The following DNAH6 variants were observed in gnomAD, a reference collection of about 807,000 sequenced individuals.
DNAH6 encodes the protein axonemal beta dynein heavy chain 6.
Under a neutral mutation model 491.4 loss-of-function variants are expected in DNAH6, and 340 were observed. The observed-to-expected ratio is 0.69, with a 90% confidence interval of 0.63 to 0.76. DNAH6 has a LOEUF of 0.76. DNAH6 is among the 30% of genes least tolerant of loss of function. The pLI is 0.00. For synonymous variants in DNAH6, 1,603 were observed against 1,686.1 expected (o/e 0.95, Z 1.21); for missense variants, 4,443 against 4,972.2 (o/e 0.89, Z 3.20).
Position 84,745,076 on chromosome 2 carries a change from C to A in DNAH6, c.10343-4C>A. 6.8e-7 allele frequency: 1 copy of A among 1,471,702 alleles called. No homozygotes were observed. Among genetic ancestry groups the A allele is most frequent in the South Asian group, 1.3e-5 (1 of 74,146 alleles). 91.2% of individuals were successfully genotyped at this position (1,471,702 alleles called of 1,614,324 possible). On this transcript the variant is annotated splice_region_variant and splice_polypyrimidine_tract_variant and intron_variant, in intron 62 of 76. Transcript: ENST00000389394. The stretch of plus-strand genomic sequence containing the variant: ...AAATTATCTTTTTTAAATTGTATTT[C>A]CAGGATCTTTTGAGACTTATATTAA...
chr2:84,707,428 T>C, intron 53 of DNAH6, 92 bp from the exon 54 acceptor site: 1 of 1,172,704 alleles, frequency 8.5e-7, no homozygotes, highest in East Asian at 2.6e-5. Flanking sequence ...TAAATAATGC[T>C]ATTCTGCTAT....
chr2:84,685,044 A>G (rs1694139473), intron 42 of DNAH6, among the ~76,000 whole-genome samples: 1 of 152,228 alleles, frequency 6.6e-6, no homozygotes, highest in Non-Finnish European at 1.5e-5. Context: ...TCATGTAATA[A>G]TGAGATAAAC....
intron 29 of DNAH6, among the ~76,000 whole-genome samples, chr2:84,633,016 C>T (rs1167635188): frequency 6.6e-6 from 1 of 152,104 alleles, no homozygotes; most frequent in Non-Finnish European, 1.5e-5. Context: ...CCAAATGCCC[C>T]TTCCTTGAAT....
chr2:84,773,577 A>G (rs1453695582), intron 64 of DNAH6, among the ~76,000 whole-genome samples: 1 of 152,082 alleles, frequency 6.6e-6, no homozygotes, highest in Non-Finnish European at 1.5e-5. Context: ...TTTTGGATAT[A>G]TACCCATTAA....
intron 45 of DNAH6, among the ~76,000 whole-genome samples, chr2:84,693,600 G>A (rs958252499): frequency 2.6e-5 from 4 of 151,944 alleles, no homozygotes; most frequent in Non-Finnish European, 5.9e-5. Flanking sequence ...AAAATTAGCC[G>A]GGCATGGTGG....
At chr2:84,619,102 A>G (rs1404388151) in intron 23 of DNAH6, among the ~76,000 whole-genome samples, 2 of 152,230 alleles carry the variant, frequency 1.3e-5, no homozygotes, top group Non-Finnish European at 2.9e-5. Context: ...TTTTATTTCT[A>G]CATAGGTATA....
intron 7 of DNAH6, among the ~76,000 whole-genome samples, chr2:84,547,880 A>G (rs762261290): frequency 6.6e-6 from 1 of 152,184 alleles, no homozygotes; most frequent in Admixed American, 6.5e-5. Context: ...TGGACTCAGC[A>G]TCTCTCTGCT....
chr2:84,585,971 C>T (rs999370737), intron 15 of DNAH6, among the ~76,000 whole-genome samples: 5 of 152,184 alleles, frequency 3.3e-5, no homozygotes, highest in Non-Finnish European at 5.9e-5. Context: ...GGGGACCCAC[C>T]CCCTTCCATT....
At chr2:84,747,698 G>A (rs551210202) in intron 63 of DNAH6, among the ~76,000 whole-genome samples, 68 of 152,242 alleles carry the variant, frequency 4.5e-4, no homozygotes, top group Non-Finnish European at 7.4e-4. Context: ...CACATTTTCC[G>A]TTGACACTAC....
chr2:84,707,685 A>G lies in DNAH6; in HGVS notation c.9017A>G (p.Tyr3006Cys). ...ATAGCAGCAGCTTGTGTGGCCTACTATGGGGCTTTCACAGCCCAGTACAGG... is the reference window on the plus strand; with the variant it reads ...ATAGCAGCAGCTTGTGTGGCCTACTGTGGGGCTTTCACAGCCCAGTACAGG... ...VFIAAACVAY[Y>C]GAFTAQYRQS... Residue 3006 changes from tyrosine (Y) to cysteine (C), a missense_variant, in exon 54 of 77, where the codon TAT becomes TGT. By Grantham distance (194) the Tyr-to-Cys change is radical. Coordinates refer to ENST00000389394, the MANE Select transcript of DNAH6 (RefSeq NM_001370.2). 26 of 1,552,312 alleles carry G rather than the reference A, an allele frequency of 1.7e-5. No homozygotes were observed. Among genetic ancestry groups the G allele is most frequent in the Non-Finnish European group, 2.3e-5 (26 of 1,147,098 alleles).
At chr2:84,596,611 G>A (rs553773182) in intron 18 of DNAH6, among the ~76,000 whole-genome samples, 89 of 151,840 alleles carry the variant, frequency 5.9e-4, no homozygotes, top group Non-Finnish European at 9.9e-4. Flanking sequence ...GATTACAGGC[G>A]TGAGCCACTG....
At chr2:84,803,041 C>G (rs1411698282) in intron 70 of DNAH6, among the ~76,000 whole-genome samples, 1 of 152,104 alleles carries the variant, frequency 6.6e-6, no homozygotes, top group Non-Finnish European at 1.5e-5. Context: ...ACACCAAAAG[C>G]TCTGAGATGC....
intron 4 of DNAH6, among the ~76,000 whole-genome samples, chr2:84,531,846 TAATAATATTGTC>T: frequency 6.6e-6 from 1 of 152,128 alleles, no homozygotes; most frequent in African/African-American, 2.4e-5. Context: ...AAAAAACCCT[TAATAATATTGTC>T]ATTCCTACCA....
At chr2:84,669,217 T>G in intron 37 of DNAH6, 72 bp from the exon 38 acceptor site, 59 of 1,182,862 alleles carry the variant, frequency 5.0e-5, no homozygotes, top group Non-Finnish European at 6.7e-5. Context: ...TTTTTCTATG[T>G]GAGTGTATCT....
chr2:84,778,705 T>C, intron 64 of DNAH6, among the ~76,000 whole-genome samples: 1 of 152,098 alleles, frequency 6.6e-6, no homozygotes. Flanking sequence ...TTTGCCAGGT[T>C]GCCCAGGATG....
At chr2:84,686,366 A>G in intron 43 of DNAH6, 118 bp from the exon 44 acceptor site, 5 of 618,400 alleles carry the variant, frequency 8.1e-6, no homozygotes, top group Non-Finnish European at 1.4e-5. Context: ...CTCAGTTTTT[A>G]TGTATATTAA....
intron 16 of DNAH6, among the ~76,000 whole-genome samples, chr2:84,593,083 C>G (rs1684259996): frequency 6.6e-6 from 1 of 152,078 alleles, no homozygotes; most frequent in African/African-American, 2.4e-5. Flanking sequence ...GAATAGATCT[C>G]ATGTAATGTG....
intron 62 of DNAH6, among the ~76,000 whole-genome samples, chr2:84,744,461 G>A (rs745348758): frequency 6.6e-6 from 1 of 152,150 alleles, no homozygotes; most frequent in Non-Finnish European, 1.5e-5. Flanking sequence ...TATAGCCAGG[G>A]AGCAGGGGAT....
intron 61 of DNAH6, 33 bp from the exon 62 acceptor site, chr2:84,733,411 G>A (rs1200943830): frequency 5.2e-6 from 8 of 1,540,382 alleles, no homozygotes; most frequent in South Asian, 1.2e-5. Flanking sequence ...GATTGCCTTT[G>A]TGAATTATTA....
Sources: allele counts gnomAD v4.1 joint callset (sites outside exome capture counted in the v4.1 genomes callset), GRCh38; gene constraint gnomAD v4.1.1; transcripts MANE v1.5; gene names NCBI Gene and HGNC (gene_info 2026-07-23, HGNC 2026-07-21).